The following ANKS1A variants were observed in gnomAD, a reference collection of about 807,000 sequenced individuals.
ANKS1A encodes ankyrin repeat and sterile alpha motif domain containing 1A.
ANKS1A carries 55 observed loss-of-function variants against 120.3 expected under a neutral mutation model. The ratio of observed to expected loss-of-function variants is 0.46; its 90% CI spans 0.37 to 0.57. ANKS1A has a LOEUF of 0.57. ANKS1A is among the 20% of genes least tolerant of loss of function. The pLI is 0.00. For synonymous variants in ANKS1A, 590 were observed against 604.7 expected (o/e 0.98, Z 0.36); for missense variants, 1,123 against 1,480.3 (o/e 0.76, Z 3.96).
chr6:34,917,822 A>G (rs1325955018), intron 1 of ANKS1A, among the ~76,000 whole-genome samples: 1 of 152,196 alleles, frequency 6.6e-6, no homozygotes, highest in Non-Finnish European at 1.5e-5. Flanking sequence ...GTTCTGGCCA[A>G]GGAGGAGCTG....
chr6:35,063,853 G>A (rs995899900), intron 13 of ANKS1A, among the ~76,000 whole-genome samples: 4 of 152,248 alleles, frequency 2.6e-5, no homozygotes, highest in African/African-American at 9.6e-5. Flanking sequence ...GCCAGCAGAG[G>A]AGGAGGCCTG....
At chr6:35,049,646 G>C (rs766212198) in intron 11 of ANKS1A, among the ~76,000 whole-genome samples, 7 of 152,202 alleles carry the variant, frequency 4.6e-5, no homozygotes, top group Non-Finnish European at 7.3e-5. Context: ...AGGGTGTTAG[G>C]AGGGAATGTC....
At chr6:34,966,487 T>C (rs1387689187) in intron 1 of ANKS1A, among the ~76,000 whole-genome samples, 2 of 152,236 alleles carry the variant, frequency 1.3e-5, no homozygotes, top group African/African-American at 4.8e-5. Flanking sequence ...AAGTTTGCCC[T>C]CTGCTACTTG....
At chr6:35,043,232 AG>A (rs1257150822) in intron 11 of ANKS1A, among the ~76,000 whole-genome samples, 2 of 152,318 alleles carry the variant, frequency 1.3e-5, no homozygotes, top group African/African-American at 4.8e-5. Context: ...GACTTGCGTG[AG>A]GTAACCTGAG....
In ANKS1A at chr6:35,084,120, G is replaced by A. The variant is rs1372439431; in HGVS notation, c.2995-1G>A. The A allele has an allele frequency of 6.2e-7, 1 of 1,614,138 alleles. No individual in the cohort carries two copies. The highest frequency in any genetic ancestry group is 8.5e-7 in the Non-Finnish European group (1 of 1,179,974). ...TTCCAGAACACGGCTTTCCCCAGCA[G>A]AACGTCATTGCAGAGCACGAGATCC... is the stretch of plus-strand genomic sequence containing the variant. On this transcript the variant is annotated splice_acceptor_variant, in intron 20 of 23. Coordinates refer to ENST00000360359, the MANE Select transcript of ANKS1A (RefSeq NM_015245.3). LOFTEE classifies it high-confidence loss of function. The surrounding 1 kb of genome is among the most constrained non-coding windows in gnomAD (Gnocchi z 4.8).
chr6:34,918,878 G>T (rs1303551927), intron 1 of ANKS1A, among the ~76,000 whole-genome samples: 1 of 151,906 alleles, frequency 6.6e-6, no homozygotes, highest in African/African-American at 2.4e-5. Flanking sequence ...TTGAGACAGG[G>T]TCTCGCTCTG....
chr6:34,897,048 G>T (rs531673797), intron 1 of ANKS1A, among the ~76,000 whole-genome samples: 1 of 152,314 alleles, frequency 6.6e-6, no homozygotes, highest in Admixed American at 6.5e-5. Context: ...AGACGCAAAG[G>T]TGGGAGAATT....
chr6:34,890,394 G>C (rs912633069), intron 1 of ANKS1A, among the ~76,000 whole-genome samples: 2 of 152,084 alleles, frequency 1.3e-5, no homozygotes, highest in African/African-American at 4.8e-5. Flanking sequence ...CTGGCCCCTC[G>C]CTTTTGTTTT....
At position 34,889,433 on chromosome 6, in the gene ANKS1A, G is replaced by A; in HGVS notation, c.31G>A (p.Ala11Thr). The change falls in exon 1 of 24, where the codon GCC (alanine) becomes ACC (threonine). Residue 11 changes from alanine (A) to threonine (T), a missense_variant. Physicochemically the swap from Ala to Thr is moderately conservative, Grantham distance 58. This residue lies in a region of ANKS1A where 73 missense variants were observed against 82.2 expected (regional missense o/e 0.89). Transcript: ENST00000360359. This position sits in a 1 kb window ranked among gnomAD's most constrained non-coding sequence, Gnocchi z 5.5. MGKEQELLEA[A>T]RTGHLPAVEK... ...GAAGGAGCAGGAGCTGCTGGAGGCG[G>A]CCCGCACCGGGCACCTCCCGGCGGT... The A allele has an allele frequency of 7.8e-7, 1 of 1,287,670 alleles. No homozygotes were observed. Among genetic ancestry groups the A allele is most frequent in the Non-Finnish European group, 9.8e-7 (1 of 1,020,960 alleles). 79.8% of individuals were successfully genotyped at this position (1,287,670 alleles called of 1,614,324 possible).
intron 1 of ANKS1A, among the ~76,000 whole-genome samples, chr6:34,939,987 A>G (rs765542559): frequency 7.9e-5 from 12 of 152,212 alleles, no homozygotes; most frequent in South Asian, 2.1e-4. Flanking sequence ...TGTGAGCACA[A>G]TGAATTTTGG....
At chr6:34,895,780 CTTTTTTTTTTTTTT>C (rs995285475) in intron 1 of ANKS1A, among the ~76,000 whole-genome samples, 62 of 90,390 alleles carry the variant, frequency 6.9e-4, no homozygotes, top group Non-Finnish European at 9.5e-4. Flanking sequence ...GAATGTCTTT[CTTTTTTTTTTTTTT>C]TTTTTTTTTT....
chr6:35,071,602 G>T (rs1241276114), intron 13 of ANKS1A, among the ~76,000 whole-genome samples: 3 of 152,098 alleles, frequency 2.0e-5, no homozygotes, highest in African/African-American at 7.2e-5. Context: ...TAGAGGGGGG[G>T]TCCATTCAGT....
rs1037258691 is a variant in ANKS1A, at chr6:34,889,998, T to C, written c.197+399T>C. Among the ~76,000 whole-genome samples the C allele has an allele frequency of 6.6e-6, 1 of 152,140 alleles. No homozygotes were observed. ...CACCTCCTGCAGAAACTCCTACGCC[T>C]TGTAGAATCTCGAGGCTCCTCTGGA... On this transcript the variant is annotated intron_variant, in intron 1 of 23. Coordinates refer to ENST00000360359, the MANE Select transcript of ANKS1A (RefSeq NM_015245.3). This position sits in a 1 kb window ranked among gnomAD's most constrained non-coding sequence, Gnocchi z 5.5.
In ANKS1A at chr6:34,982,567, C is replaced by T. The variant is rs1483603136; in HGVS notation, c.733-185C>T. Among the ~76,000 whole-genome samples, 1 of 152,170 alleles carries T rather than the reference C, an allele frequency of 6.6e-6. No homozygotes were observed. The highest frequency in any genetic ancestry group is 2.4e-5 in the African/African-American group (1 of 41,428). ...TGGCCTGCTGGTGGCACAGAATGGCCTTGGTGTATGGGCCATGATCGTGGT... is the reference window on the plus strand; with the variant it reads ...TGGCCTGCTGGTGGCACAGAATGGCTTTGGTGTATGGGCCATGATCGTGGT... On this transcript the variant is annotated intron_variant, in intron 4 of 23. Transcript: ENST00000360359. This position sits in a 1 kb window ranked among gnomAD's most constrained non-coding sequence, Gnocchi z 4.9.
rs181614906 is a variant in ANKS1A, at chr6:35,011,212, C to T, written c.1424-6261C>T. 2.1e-4 allele frequency among the ~76,000 whole-genome samples: 32 copies of T among 152,264 alleles called. No individual in the cohort carries two copies. The East Asian group carries it at 6.0e-3, about 28-fold the overall frequency. ...CTGAGTTAGGTGAATTGGTAGAGGA[C>T]TCAAGTCAGTTGTTTCTTGAGTATT... On this transcript the variant is annotated intron_variant, in intron 10 of 23. Transcript: ENST00000360359.
At chr6:35,072,445 G>A (rs368998277) in intron 13 of ANKS1A, among the ~76,000 whole-genome samples, 1 of 152,248 alleles carries the variant, frequency 6.6e-6, no homozygotes, top group Non-Finnish European at 1.5e-5. Context: ...GACGCTTCAC[G>A]TGTACCTTAC....
In ANKS1A at chr6:35,017,830, G is replaced by T. The variant is rs754404106; in HGVS notation, c.1781G>T (p.Gly594Val). 8.7e-6 allele frequency: 14 copies of T among 1,614,072 alleles called. No homozygotes were observed. The highest frequency in any genetic ancestry group is 1.2e-5 in the Non-Finnish European group (14 of 1,180,046). Reference sequence around the variant, plus strand: ...CACACAGCATCTCCGCACCCTGGTGGTGCTGAGGAAGGAGACCGGAGTGGG... The same window carrying T: ...CACACAGCATCTCCGCACCCTGGTGTTGCTGAGGAAGGAGACCGGAGTGGG... ...LTHTASPHPG[G>V]AEEGDRSGAR... The change falls in exon 11 of 24, where the codon GGT (glycine) becomes GTT (valine). Residue 594 changes from glycine (G) to valine (V), a missense_variant. Gly to Val is a moderately radical substitution (Grantham distance 109). Coordinates refer to ENST00000360359, the MANE Select transcript of ANKS1A (RefSeq NM_015245.3).
chr6:35,009,177 G>A (rs1291671075), intron 10 of ANKS1A, among the ~76,000 whole-genome samples: 2 of 152,264 alleles, frequency 1.3e-5, no homozygotes, highest in Admixed American at 6.5e-5. Context: ...GACTGGAGGC[G>A]GGAATGCCCT....
At chr6:35,069,564 A>G (rs907413049) in intron 13 of ANKS1A, among the ~76,000 whole-genome samples, 3 of 152,008 alleles carry the variant, frequency 2.0e-5, no homozygotes, top group African/African-American at 7.3e-5. Context: ...CTTTTAAGAT[A>G]GGGTCTCTCT....
Sources: gnomAD v4.1 joint callset for allele counts (sites outside exome capture counted in the v4.1 genomes callset) on GRCh38, gnomAD v4.1.1 for gene constraint, gnomAD v4.1.1 regional missense constraint, Gnocchi (gnomAD v3.1) non-coding constraint, MANE v1.5 for transcripts, NCBI Gene and HGNC (gene_info 2026-07-23, HGNC 2026-07-21) for gene names.